GNE: variants seen among roughly 807,000 people sequenced by gnomAD.
The protein encoded by GNE is bifunctional UDP-N-acetylglucosamine 2-epimerase/N-acetylmannosamine kinase.
A neutral mutation model predicts 61.8 loss-of-function variants in GNE; 41 were observed. That is an observed-to-expected ratio of 0.66 (90% confidence interval 0.52 to 0.86). The LOEUF (loss-of-function observed/expected upper bound fraction) is 0.86, where lower values mean the gene tolerates loss of function less well. GNE is among the 40% of genes least tolerant of loss of function. GNE has a pLI of 0.00. For synonymous variants in GNE, 264 were observed against 326.4 expected (o/e 0.81, Z 2.06); for missense variants, 608 against 909.1 (o/e 0.67, Z 4.26).
chr9:36,248,223 T>C (rs1829979365), intron 2 of GNE, among the ~76,000 whole-genome samples: 1 of 152,138 alleles, frequency 6.6e-6, no homozygotes, highest in East Asian at 1.9e-4. Flanking sequence ...ACTGCATTAA[T>C]ATATTCATGC....
At chr9:36,242,472 G>A (rs1461055764) in intron 3 of GNE, among the ~76,000 whole-genome samples, 1 of 152,218 alleles carries the variant, frequency 6.6e-6, no homozygotes, top group East Asian at 1.9e-4. Context: ...AGATTGGAGT[G>A]CAGTGGCGCG....
intron 1 of GNE, among the ~76,000 whole-genome samples, chr9:36,251,884 C>A (rs1288358333): frequency 1.3e-5 from 2 of 151,930 alleles, no homozygotes; most frequent in Admixed American, 6.6e-5. Context: ...ATTTATAATC[C>A]CCAGTAAAAG....
chr9:36,242,730 TTG>T (rs1439153492), intron 3 of GNE, among the ~76,000 whole-genome samples: 3,337 of 99,366 alleles, frequency 0.034, 161 homozygotes, highest in African/African-American at 0.11. Context: ...GGTTTTATGC[TTG>T]TTTTTTTTTT....
At chr9:36,240,321 T>G (rs1829583059) in intron 3 of GNE, among the ~76,000 whole-genome samples, 1 of 152,218 alleles carries the variant, frequency 6.6e-6, no homozygotes, top group Non-Finnish European at 1.5e-5. Context: ...TTTTATTACA[T>G]TAAGGTATGT....
intron 9 of GNE, among the ~76,000 whole-genome samples, chr9:36,222,173 C>T (rs1828616220): frequency 6.6e-6 from 1 of 152,050 alleles, no homozygotes; most frequent in South Asian, 2.1e-4. Context: ...AATCCCAGCA[C>T]TTTGGGAGGC....
chr9:36,268,624 T>C (rs2133192582), intron 1 of GNE, among the ~76,000 whole-genome samples: 1 of 152,096 alleles, frequency 6.6e-6, no homozygotes, highest in South Asian at 2.1e-4. Context: ...GCCATGATCA[T>C]GCCACTGCAT....
rs114636684 is a variant in GNE, at chr9:36,253,574, A to T, written c.-42-4177T>A. Among the ~76,000 whole-genome samples, 889 of 151,432 alleles carry T rather than the reference A, an allele frequency of 5.9e-3. 10 individuals are homozygous for T. Among genetic ancestry groups the T allele is most frequent in the African/African-American group, 0.018 (751 of 41,356 alleles). ...ATTACAGGCATGAGCCACCGCGCCC[A>T]GCCACAAATCTTACTTTTTAAAATG... On this transcript the variant is annotated intron_variant, in intron 1 of 11. Coordinates refer to ENST00000642385, the MANE Select transcript of GNE (RefSeq NM_005476.7).
upstream of GNE, among the ~76,000 whole-genome samples, chr9:36,260,281 T>TAAAAA (rs538107305): frequency 1.6e-5 from 2 of 123,586 alleles, no homozygotes; most frequent in African/African-American, 3.0e-5. Context: ...CCTCATCTCT[T>TAAAAA]AAAAAAAAAA....
chr9:36,249,875 C>T (rs939657265), intron 1 of GNE, among the ~76,000 whole-genome samples: 2 of 150,778 alleles, frequency 1.3e-5, no homozygotes, highest in Admixed American at 6.6e-5. Flanking sequence ...CAGAGCGAGA[C>T]TCCATCTCAA....
chr9:36,257,980 C>A (rs1173229119), intron 1 of GNE, among the ~76,000 whole-genome samples: 1 of 152,086 alleles, frequency 6.6e-6, no homozygotes, highest in Non-Finnish European at 1.5e-5. Context: ...TCTCCACCCT[C>A]TCTCGCCCCG....
chr9:36,273,377 C>A lies in GNE; in HGVS notation c.51+3517G>T, dbSNP rs1032440196. ...GACTACAGGCACCCGCCACCACACC[C>A]AGCTAATTTTTGTATTTTTAGTAGA... On this transcript the variant is annotated intron_variant, in intron 1 of 11. Coordinates refer to the GNE transcript ENST00000396594. Among the ~76,000 whole-genome samples the A allele has an allele frequency of 3.3e-5, 5 of 151,430 alleles. No homozygotes were observed. In the East Asian group the frequency reaches 9.9e-4, roughly 30 times the overall value.
intron 3 of GNE, among the ~76,000 whole-genome samples, chr9:36,239,047 T>C (rs1829525413): frequency 6.6e-6 from 1 of 152,134 alleles, no homozygotes; most frequent in African/African-American, 2.4e-5. Context: ...CTGTAAGTAT[T>C]TGGGTTTATT....
At position 36,217,365 on chromosome 9, in the gene GNE, C is replaced by T; in HGVS notation, c.2169G>A (p.Ter723=). The change falls in exon 12 of 12, where the codon TAG becomes TAA. Residue 723 remains the stop codon, a stop_retained_variant. Coordinates refer to ENST00000642385, the MANE Select transcript of GNE (RefSeq NM_005476.7). ...VLDYTTRRIY[*] ...AAGGTCCATGTCTGTTCCTGGAGGT[C>T]TAGTAGATCCTGCGTGTTGTGTAGT... 6.2e-7 allele frequency: 1 copy of T among 1,602,468 alleles called. No homozygotes were observed. Among genetic ancestry groups the T allele is most frequent in the South Asian group, 1.1e-5 (1 of 90,674 alleles).
At chr9:36,236,394 T>C (rs1042065150) in intron 4 of GNE, among the ~76,000 whole-genome samples, 2 of 152,142 alleles carry the variant, frequency 1.3e-5, no homozygotes, top group African/African-American at 4.8e-5. Context: ...GAGACAGGGT[T>C]TCACCATCTT....
intron 1 of GNE, chr9:36,265,309 G>A: frequency 2.3e-6 from 1 of 441,208 alleles, no homozygotes; most frequent in Non-Finnish European, 4.6e-6. Flanking sequence ...AGAACCCCAG[G>A]TCAGAGAACG....
At chr9:36,222,156 C>T (rs1047053220) in intron 9 of GNE, among the ~76,000 whole-genome samples, 5 of 151,808 alleles carry the variant, frequency 3.3e-5, no homozygotes, top group East Asian at 1.9e-4. Flanking sequence ...CGGTGGCTCA[C>T]GCCTGTAATC....
chr9:36,222,681 G>A, intron 9 of GNE, 96 bp downstream of exon 9: 1 of 888,144 alleles, frequency 1.1e-6, no homozygotes, highest in Non-Finnish European at 1.9e-6. Context: ...TGCAGGAAGT[G>A]AAGGCTAAGG....
intron 10 of GNE, 123 bp downstream of exon 10, chr9:36,219,715 C>G (rs964441666): frequency 4.5e-6 from 4 of 883,118 alleles, no homozygotes; most frequent in Non-Finnish European, 5.5e-6. Context: ...GAGCCCTGCT[C>G]TTTCCCTAAG....
rs927792992 is a variant in GNE, at chr9:36,218,742, G to T, written c.1817-443C>A. Among the ~76,000 whole-genome samples, 1 of 152,196 alleles carries T rather than the reference G, an allele frequency of 6.6e-6. No individual in the cohort carries two copies. Among genetic ancestry groups the T allele is most frequent in the Non-Finnish European group, 1.5e-5 (1 of 68,030 alleles). ...AGGAACAGACACAGGCCTGGGGTCA[G>T]TGCCAGCTCTGCCACTCCCAGCTGC... On this transcript the variant is annotated intron_variant, in intron 10 of 11. Coordinates refer to ENST00000642385, the MANE Select transcript of GNE (RefSeq NM_005476.7). This position sits in a 1 kb window ranked among gnomAD's most constrained non-coding sequence, Gnocchi z 4.1.
Sources: allele counts gnomAD v4.1 joint callset (sites outside exome capture counted in the v4.1 genomes callset), GRCh38; gene constraint gnomAD v4.1.1; non-coding constraint Gnocchi (gnomAD v3.1); transcripts MANE v1.5; gene names NCBI Gene and HGNC (gene_info 2026-07-23, HGNC 2026-07-21).